The following OR11A1 variants were observed in gnomAD, a reference collection of about 807,000 sequenced individuals.
OR11A1 encodes the protein olfactory receptor 11A1.
For synonymous variants in OR11A1, 158 were observed against 152.2 expected (o/e 1.04, Z -0.28); for missense variants, 380 against 378.2 (o/e 1.00, Z -0.04).
At chr6:29,447,319 T>C (rs901856296) in intron 1 of OR11A1, among the ~76,000 whole-genome samples, 5 of 152,194 alleles carry the variant, frequency 3.3e-5, no homozygotes, top group Non-Finnish European at 7.3e-5. Context: ...AAAGCAGCCA[T>C]TGGGAAATAG....
At chr6:29,455,320 A>G (rs142118867) in intron 1 of OR11A1, among the ~76,000 whole-genome samples, 218 of 152,328 alleles carry the variant, frequency 1.4e-3, no homozygotes, top group African/African-American at 5.0e-3. Flanking sequence ...TCATAAAAGG[A>G]AACACTATAA....
intron 4 of OR11A1, chr6:29,428,545 G>A: frequency 4.8e-6 from 1 of 209,090 alleles, no homozygotes; most frequent in Non-Finnish European, 8.3e-6. Flanking sequence ...CACGAGGTCA[G>A]GAGATCGAGA....
Position 29,430,409 on chromosome 6 carries a change from G to A in OR11A1, c.-248C>T, listed in dbSNP as rs1017699909. On this transcript the variant is annotated 5_prime_UTR_variant, in exon 3 of 5. Coordinates refer to ENST00000377149, the MANE Select transcript of OR11A1 (RefSeq NM_001394828.1). ...GTCCAAACTCATTCTGAGGCTTGGA[G>A]TCTTTCTATAGGATTCCTGCCAGGA... The A allele has an allele frequency of 6.1e-6, 6 of 985,394 alleles. No homozygotes were observed. The highest frequency in any genetic ancestry group is 5.2e-4 in the Middle Eastern group (1 of 1,914). The allele number at this position is 985,394 out of a possible 1,614,324, so 61.0% of individuals were successfully genotyped here. A position where few individuals can be genotyped will look rare whatever the true frequency, so the allele number is the denominator to read the frequency against.
At chr6:29,428,344 G>A (rs1289679202) in intron 4 of OR11A1, 1 of 985,482 alleles carries the variant, frequency 1.0e-6, no homozygotes, top group Middle Eastern at 5.2e-4. Context: ...TAGGTGCCAT[G>A]GGAGCAGAGA....
intron 1 of OR11A1, among the ~76,000 whole-genome samples, chr6:29,452,400 CAA>C (rs1364401204): frequency 2.6e-5 from 4 of 152,042 alleles, no homozygotes; most frequent in African/African-American, 9.7e-5. Context: ...AAAATGTTGG[CAA>C]AATTTTTTCA....
At position 29,437,716 on chromosome 6, in the gene OR11A1, C is replaced by T. The variant is rs532646503; in HGVS notation, c.-388-5729G>A. 3.3e-5 allele frequency among the ~76,000 whole-genome samples: 5 copies of T among 152,306 alleles called. No individual in the cohort carries two copies. In the South Asian group the frequency reaches 1.0e-3, roughly 32 times the overall value. ...ACTGTTTTCTTATACTCCAATTAAACATTTTTAGCAATAATACTACATAGG... is the reference window on the plus strand; with the variant it reads ...ACTGTTTTCTTATACTCCAATTAAATATTTTTAGCAATAATACTACATAGG... On this transcript the variant is annotated intron_variant, in intron 1 of 4. Coordinates refer to ENST00000377149, the MANE Select transcript of OR11A1 (RefSeq NM_001394828.1).
intron 1 of OR11A1, among the ~76,000 whole-genome samples, chr6:29,446,569 A>G (rs7738742): frequency 0.052 from 7,959 of 152,272 alleles, 391 homozygotes; most frequent in African/African-American, 0.12. Context: ...CAAGAATGAT[A>G]GATATATTTA....
chr6:29,440,729 C>T lies in OR11A1; in HGVS notation c.-388-8742G>A, dbSNP rs147706583. 88 of 1,613,988 alleles carry T rather than the reference C, an allele frequency of 5.5e-5. No homozygotes were observed. In the East Asian group the frequency reaches 1.9e-3, roughly 35 times the overall value. Reference sequence around the variant, plus strand: ...TTGCGGGCCGCCGCAAGGCCTTCTCCACCTGCTCCTCCCACCTGATCATGG... The same window carrying T: ...TTGCGGGCCGCCGCAAGGCCTTCTCTACCTGCTCCTCCCACCTGATCATGG... On this transcript the variant is annotated intron_variant, in intron 1 of 4. Transcript: ENST00000377149.
chr6:29,432,516 T>TC (rs1783298138), intron 1 of OR11A1, among the ~76,000 whole-genome samples: 1 of 152,100 alleles, frequency 6.6e-6, no homozygotes, highest in Non-Finnish European at 1.5e-5. Context: ...CCTCTTACCA[T>TC]CCCAGGCAAT....
At chr6:29,433,194 G>C (rs921097463) in intron 1 of OR11A1, among the ~76,000 whole-genome samples, 26 of 152,058 alleles carry the variant, frequency 1.7e-4, no homozygotes, top group African/African-American at 5.8e-4. Flanking sequence ...TTTGTGATGA[G>C]AACACTCAGA....
At chr6:29,452,185 GA>G (rs1052545096) in intron 1 of OR11A1, among the ~76,000 whole-genome samples, 24 of 152,282 alleles carry the variant, frequency 1.6e-4, no homozygotes, top group African/African-American at 4.3e-4. Flanking sequence ...TGAGTTGGAA[GA>G]ATGGCAGGAT....
chr6:29,427,136 A>G lies in OR11A1; in HGVS notation c.506T>C (p.Phe169Ser). Residue 169 changes from phenylalanine (F) to serine (S), a missense_variant, in exon 5 of 5, where the codon TTC (phenylalanine) becomes TCC (serine). Transcript: ENST00000377149. ...CTGGTCAATGTGGTTGGGGCCACAG[A>G]ACCTCAGCTGGGCCACCAGGGCCAC... ...LVVALVAQLRFCGPNHIDQFY... is the reference protein window; with the variant it reads ...LVVALVAQLRSCGPNHIDQFY... The G allele has an allele frequency of 3.7e-6, 6 of 1,613,084 alleles. No homozygotes were observed. The highest frequency in any genetic ancestry group is 2.5e-6 in the Non-Finnish European group (3 of 1,180,018).
At chr6:29,440,190 T>G in intron 1 of OR11A1, 1 of 1,613,856 alleles carries the variant, frequency 6.2e-7, no homozygotes, top group Non-Finnish European at 8.5e-7. Flanking sequence ...GTCCCCTATG[T>G]ACTTCTTCCT....
At position 29,439,824 on chromosome 6, in the gene OR11A1, A is replaced by T. The variant is rs1399211417; in HGVS notation, c.-388-7837T>A. ...ACAAATACTCATCCAGGATCCCAAGAGTGAGCAAGGGTGGAATATGGACTC... is the reference window on the plus strand; with the variant it reads ...ACAAATACTCATCCAGGATCCCAAGTGTGAGCAAGGGTGGAATATGGACTC... On this transcript the variant is annotated intron_variant, in intron 1 of 4. Transcript: ENST00000377149. 5.0e-6 allele frequency: 3 copies of T among 597,942 alleles called. No individual in the cohort carries two copies. In the East Asian group the frequency reaches 8.3e-5, roughly 16 times the overall value. 37.0% of individuals were successfully genotyped at this position (597,942 alleles called of 1,614,324 possible).
Position 29,453,217 on chromosome 6 carries a change from TA to T in OR11A1, c.-389+3769del, listed in dbSNP as rs1298812565. Among the ~76,000 whole-genome samples the T allele has an allele frequency of 6.7e-6, 1 of 149,644 alleles. No individual in the cohort carries two copies. Among genetic ancestry groups the T allele is most frequent in the Non-Finnish European group, 1.5e-5 (1 of 67,438 alleles). On this transcript the variant is annotated intron_variant, in intron 1 of 4. Coordinates refer to ENST00000377149, the MANE Select transcript of OR11A1 (RefSeq NM_001394828.1). This position sits in a 1 kb window ranked among gnomAD's most constrained non-coding sequence, Gnocchi z 4.5. Reference sequence around the variant, plus strand: ...TAAATATAAATTAATATATATACATTAAAAATAAAATTCACCAGATATGGTG... The same window carrying T: ...TAAATATAAATTAATATATATACATTAAAATAAAATTCACCAGATATGGTG...
chr6:29,439,468 T>C (rs1449795205), intron 1 of OR11A1: 1 of 152,826 alleles, frequency 6.5e-6, no homozygotes, highest in Non-Finnish European at 1.5e-5. Context: ...CACTGTGAAA[T>C]TTATGGTAAA....
intron 1 of OR11A1, among the ~76,000 whole-genome samples, chr6:29,442,762 C>T (rs1784328079): frequency 6.6e-6 from 1 of 152,222 alleles, no homozygotes; most frequent in Non-Finnish European, 1.5e-5. Context: ...TTCAATTGAA[C>T]AAAACTGCAA....
At chr6:29,455,571 G>T (rs1786013028) in intron 1 of OR11A1, among the ~76,000 whole-genome samples, 1 of 152,180 alleles carries the variant, frequency 6.6e-6, no homozygotes, top group South Asian at 2.1e-4. Flanking sequence ...ACTGTGAGTT[G>T]ATAGATATGT....
chr6:29,455,579 T>C (rs1205998883), intron 1 of OR11A1, among the ~76,000 whole-genome samples: 5 of 152,200 alleles, frequency 3.3e-5, no homozygotes, highest in Admixed American at 1.3e-4. Flanking sequence ...TTGATAGATA[T>C]GTTAATTGGC....
Sources: gnomAD v4.1 joint callset for allele counts (sites outside exome capture counted in the v4.1 genomes callset) on GRCh38, gnomAD v4.1.1 for gene constraint, Gnocchi (gnomAD v3.1) non-coding constraint, MANE v1.5 for transcripts, NCBI Gene and HGNC (gene_info 2026-07-23, HGNC 2026-07-21) for gene names.